KHDRBS2: variants seen among roughly 807,000 people sequenced by gnomAD.
KHDRBS2 encodes the protein KH domain-containing, RNA-binding, signal transduction-associated protein 2.
In KHDRBS2, 26 loss-of-function variants were observed where a neutral mutation model predicts 44.3. That is an observed-to-expected ratio of 0.59 (90% CI 0.43 to 0.81). The LOEUF (loss-of-function observed/expected upper bound fraction) is 0.81. Among genes scored for constraint, KHDRBS2 ranks in the 40% least tolerant of loss-of-function variants. The pLI, the probability that KHDRBS2 is intolerant of heterozygous loss-of-function variation, is 0.00. For synonymous variants in KHDRBS2, 194 were observed against 151.1 expected, an observed-to-expected ratio of 1.28 and a Z score of -2.08; for missense variants, 476 against 433.1, an observed-to-expected ratio of 1.10 and a Z score of -0.88.
At chr6:61,631,166 G>A in the KHDRBS2 span, among the ~76,000 whole-genome samples, 3 of 151,886 alleles carry the variant, frequency 2.0e-5, no homozygotes, top group South Asian at 2.1e-4. Context: ...TATTCAGGAC[G>A]TGCCATCATT....
At chr6:61,544,896 G>C in the KHDRBS2 span, among the ~76,000 whole-genome samples, 1 of 151,994 alleles carries the variant, frequency 6.6e-6, no homozygotes, top group Admixed American at 6.6e-5. Flanking sequence ...CACATGGTCA[G>C]AGGAAGGGGA....
At chr6:61,822,568 A>T (rs1224548823) in intron 6 of KHDRBS2, among the ~76,000 whole-genome samples, 1 of 151,902 alleles carries the variant, frequency 6.6e-6, no homozygotes, top group Non-Finnish European at 1.5e-5. Flanking sequence ...CATACTTAAA[A>T]ATCTTCTCAT....
intron 3 of KHDRBS2, among the ~76,000 whole-genome samples, chr6:62,012,942 G>A (rs1327907529): frequency 6.6e-6 from 1 of 152,106 alleles, no homozygotes; most frequent in African/African-American, 2.4e-5. Flanking sequence ...TCTTGTTCAG[G>A]CAATATCTCC....
chr6:61,872,712 G>A (rs186385865), intron 6 of KHDRBS2, among the ~76,000 whole-genome samples: 2 of 152,020 alleles, frequency 1.3e-5, no homozygotes, highest in Admixed American at 6.5e-5. Flanking sequence ...TTTTTATGTG[G>A]GAAAACAAGA....
chr6:61,884,000 G>C (rs2127320196), intron 6 of KHDRBS2, among the ~76,000 whole-genome samples: 1 of 152,104 alleles, frequency 6.6e-6, no homozygotes, highest in African/African-American at 2.4e-5. Context: ...TACAGATCAG[G>C]CTCATAATCT....
the KHDRBS2 span, among the ~76,000 whole-genome samples, chr6:61,666,599 C>G: frequency 6.6e-6 from 1 of 151,398 alleles, no homozygotes; most frequent in Admixed American, 6.6e-5. Context: ...GTGGAACTAT[C>G]TGACCACAGG....
chr6:61,575,109 A>T, the KHDRBS2 span, among the ~76,000 whole-genome samples: 1 of 152,242 alleles, frequency 6.6e-6, no homozygotes, highest in Admixed American at 6.5e-5. Context: ...AAAAATAAAT[A>T]GATGGCACCT....
At chr6:61,692,765 C>G (rs1009462591) in intron 8 of KHDRBS2, among the ~76,000 whole-genome samples, 9 of 152,024 alleles carry the variant, frequency 5.9e-5, no homozygotes, top group Non-Finnish European at 1.0e-4. Context: ...AATGCAGAAC[C>G]CTGCCATTCG....
intron 2 of KHDRBS2, among the ~76,000 whole-genome samples, chr6:62,115,801 T>G (rs1383409882): frequency 6.6e-6 from 1 of 152,130 alleles, no homozygotes; most frequent in African/African-American, 2.4e-5. Flanking sequence ...TTTTTAACGT[T>G]AATTATATAT....
the KHDRBS2 span, among the ~76,000 whole-genome samples, chr6:61,666,447 T>G: frequency 4.6e-5 from 7 of 151,308 alleles, no homozygotes; most frequent in Non-Finnish European, 1.0e-4. Flanking sequence ...TGGGGGAAAT[T>G]TTATTACCAA....
the KHDRBS2 span, among the ~76,000 whole-genome samples, chr6:61,616,008 C>T: frequency 6.6e-6 from 1 of 152,240 alleles, no homozygotes; most frequent in Middle Eastern, 3.4e-3. Flanking sequence ...TGATACCAGT[C>T]ATTTTTTCTT....
chr6:62,105,674 T>C (rs1226927219), intron 2 of KHDRBS2, among the ~76,000 whole-genome samples: 41 of 152,050 alleles, frequency 2.7e-4, no homozygotes, highest in Non-Finnish European at 5.6e-4. Context: ...CTCTTTTCTT[T>C]TTTATTAGTC....
chr6:62,199,216 T>C (rs1359934470), intron 1 of KHDRBS2, among the ~76,000 whole-genome samples: 2 of 152,074 alleles, frequency 1.3e-5, no homozygotes, highest in East Asian at 3.9e-4. Context: ...CTATTCAACA[T>C]AGTGTTGGAA....
intron 6 of KHDRBS2, among the ~76,000 whole-genome samples, chr6:61,808,353 A>G (rs1787513605): frequency 6.6e-6 from 1 of 152,124 alleles, no homozygotes; most frequent in Non-Finnish European, 1.5e-5. Context: ...AATGTGCCCT[A>G]AAAGAAAACA....
chr6:61,556,832 A>G, the KHDRBS2 span, among the ~76,000 whole-genome samples: 3 of 147,408 alleles, frequency 2.0e-5, no homozygotes, highest in Admixed American at 2.0e-4. Flanking sequence ...AATTAATAAT[A>G]GTTACTGATT....
chr6:62,169,136 C>T (rs374619728), intron 2 of KHDRBS2, among the ~76,000 whole-genome samples: 95 of 78,410 alleles, frequency 1.2e-3, no homozygotes, highest in African/African-American at 4.9e-3. Context: ...TACATATACA[C>T]ACATATATGT....
At chr6:61,954,831 C>T (rs62646160) in intron 4 of KHDRBS2, among the ~76,000 whole-genome samples, 828 of 51,574 alleles carry the variant, frequency 0.016, 60 homozygotes, top group African/African-American at 0.035. Context: ...TATACACATG[C>T]ATATGTATGT....
chr6:62,086,962 G>T (rs765422997), intron 2 of KHDRBS2, among the ~76,000 whole-genome samples: 6 of 149,002 alleles, frequency 4.0e-5, no homozygotes, highest in East Asian at 2.0e-4. Flanking sequence ...AAAAGGAAAA[G>T]ATATAGGTGA....
the KHDRBS2 span, among the ~76,000 whole-genome samples, chr6:61,578,850 A>G: frequency 1.3e-4 from 20 of 152,196 alleles, no homozygotes; most frequent in African/African-American, 4.8e-4. Context: ...AAAGAAGACA[A>G]ATGTTAACAT....
Sources: gnomAD v4.1 joint callset for allele counts (sites outside exome capture counted in the v4.1 genomes callset) on GRCh38, gnomAD v4.1.1 for gene constraint, MANE v1.5 for transcripts, NCBI Gene and HGNC (gene_info 2026-07-23, HGNC 2026-07-21) for gene names.